The following ASS1 variants were observed in gnomAD, a reference collection of about 807,000 sequenced individuals.
ASS1 encodes the protein argininosuccinate synthase 1, also known as argininosuccinate synthase.
In ASS1, 58 loss-of-function variants were observed where a neutral mutation model predicts 60.5. The observed-to-expected ratio is 0.96, with a 90% CI of 0.78 to 1.19. The LOEUF is 1.19. Among genes scored for constraint, ASS1 ranks in the 50% most tolerant of loss-of-function variants. ASS1 has a pLI of 0.00. For synonymous variants in ASS1, 200 were observed against 206.9 expected, an observed-to-expected ratio of 0.97 and a Z score of 0.29; for missense variants, 454 against 547.3, an observed-to-expected ratio of 0.83 and a Z score of 1.70.
intron 1 of ASS1, 173 bp from the exon 2 acceptor site, chr9:130,452,050 GT>G: frequency 1.4e-6 from 1 of 700,250 alleles, no homozygotes. Flanking sequence ...CGAGGTCAGG[GT>G]TCCCGGGGGT....
chr9:130,452,067 G>A, intron 1 of ASS1, 157 bp from the exon 2 acceptor site: 1 of 716,162 alleles, frequency 1.4e-6, no homozygotes, highest in South Asian at 1.5e-5. Flanking sequence ...GGGGTGGCAG[G>A]CACTGAAGGT....
At position 130,489,246 on chromosome 9, in the gene ASS1, T is replaced by TTA. The variant is rs545601685; in HGVS notation, c.839-86_839-85insAT. ...GTCAGACGACTCATTATTATTATTA[T>TTA]TTTTTTTTTTGTCATTTGCTGACAG... On this transcript the variant is annotated intron_variant, in intron 11 of 14. Transcript: ENST00000352480. This position sits in a 1 kb window ranked among gnomAD's most constrained non-coding sequence, Gnocchi z 4.1. 4.1e-5 allele frequency: 53 copies of TTA among 1,277,294 alleles called. 1 individual carries two copies. The highest frequency in any genetic ancestry group is 5.3e-5 in the Non-Finnish European group (49 of 931,524). The allele number at this position is 1,277,294 out of a possible 1,614,324, so 79.1% of individuals were successfully genotyped here.
chr9:130,485,930 C>G (rs943783594), intron 11 of ASS1, among the ~76,000 whole-genome samples: 1 of 152,182 alleles, frequency 6.6e-6, no homozygotes, highest in Non-Finnish European at 1.5e-5. Context: ...ACTGCTGAAC[C>G]ATTCCCCTTT....
At chr9:130,455,454 T>G (rs1845427491) in intron 3 of ASS1, among the ~76,000 whole-genome samples, 1 of 152,168 alleles carries the variant, frequency 6.6e-6, no homozygotes, top group Non-Finnish European at 1.5e-5. Context: ...CATCCATTCA[T>G]CCATCCATCC....
intron 11 of ASS1, among the ~76,000 whole-genome samples, chr9:130,483,593 G>A (rs1480811558): frequency 6.6e-6 from 1 of 151,972 alleles, no homozygotes; most frequent in East Asian, 1.9e-4. Flanking sequence ...CCGGAGGGAA[G>A]CCGAGGGAGG....
rs971804615 is a variant in ASS1 at position 130,452,344 on chromosome 9, G to A, written c.105+11G>A. On this transcript the variant is annotated intron_variant, in intron 2 of 14. Coordinates refer to ENST00000352480, the MANE Select transcript of ASS1 (RefSeq NM_054012.4). ...GTCATTGCCTATCTGGTGAGGGAGC[G>A]ACCTGGGTGTCTGTCTTCCTGCGTG... The A allele has an allele frequency of 1.4e-5, 22 of 1,609,524 alleles. No homozygotes were observed. Among genetic ancestry groups the A allele is most frequent in the African/African-American group, 5.3e-5 (4 of 74,828 alleles).
chr9:130,466,821 A>C (rs1251076727), intron 6 of ASS1, 22 bp downstream of exon 6: 1 of 1,611,502 alleles, frequency 6.2e-7, no homozygotes, highest in Non-Finnish European at 8.5e-7. Context: ...TCTCCCCACC[A>C]CCCCCAACCT....
intron 3 of ASS1, 79 bp from the exon 4 acceptor site, chr9:130,458,322 G>GCCCCGGGGACC (rs1845495471): frequency 6.3e-7 from 1 of 1,578,110 alleles, no homozygotes; most frequent in Non-Finnish European, 8.7e-7. Context: ...GTCTCAGCTA[G>GCCCCGGGGACC]CTGAGGCCCC....
chr9:130,466,628 A>G lies in ASS1; in HGVS notation c.421-97A>G, dbSNP rs1845749587. ...CTCTGGGGACATGCTGGAGACCCCC[A>G]TGGGCCCCTCCCAGGAGAGGCCAGC... is the stretch of plus-strand genomic sequence containing the variant. On this transcript the variant is annotated intron_variant, in intron 5 of 14. Transcript: ENST00000352480. The G allele has an allele frequency of 1.6e-5, 19 of 1,194,462 alleles. No individual in the cohort carries two copies. The Middle Eastern group carries it at 2.5e-3, about 157-fold the overall frequency. The allele number at this position is 1,194,462 out of a possible 1,614,324, so 74.0% of individuals were successfully genotyped here. A position where few individuals can be genotyped will look rare whatever the true frequency, so the allele number is the denominator to read the frequency against.
intron 3 of ASS1, 118 bp from the exon 4 acceptor site, chr9:130,458,283 C>G (rs760654100): frequency 5.4e-6 from 6 of 1,120,910 alleles, no homozygotes; most frequent in Non-Finnish European, 8.1e-6. Flanking sequence ...AGAAGAAGCA[C>G]CAGGTACAGC....
intron 2 of ASS1, 56 bp from the exon 3 acceptor site, chr9:130,454,249 G>A (rs1483520035): frequency 1.9e-6 from 3 of 1,568,002 alleles, no homozygotes; most frequent in Admixed American, 3.5e-5. Flanking sequence ...TGCGGATGGT[G>A]TGAACTCAGG....
At chr9:130,448,291 C>A (rs1845240840) in intron 1 of ASS1, among the ~76,000 whole-genome samples, 1 of 152,080 alleles carries the variant, frequency 6.6e-6, no homozygotes, top group African/African-American at 2.4e-5. Flanking sequence ...CATACACTGG[C>A]CCCAACACCC....
In ASS1 at chr9:130,476,804, G is replaced by A; in HGVS notation, c.598-67G>A. 1 of 1,431,402 alleles carries A rather than the reference G, an allele frequency of 7.0e-7. No individual in the cohort carries two copies. The highest frequency in any genetic ancestry group is 1.1e-5 in the South Asian group (1 of 87,272). 88.7% of individuals were successfully genotyped at this position (1,431,402 alleles called of 1,614,324 possible). A position where few individuals can be genotyped will look rare whatever the true frequency, so the allele number is the denominator to read the frequency against. The stretch of plus-strand genomic sequence containing the variant: ...GAGGAGAGGGGTGCAGATCCCCGCG[G>A]GAGGTGGGCTGTAGGGTGTCCAGGG... On this transcript the variant is annotated intron_variant, in intron 8 of 14. Transcript: ENST00000352480. This position sits in a 1 kb window ranked among gnomAD's most constrained non-coding sequence, Gnocchi z 4.9.
chr9:130,446,531 T>G (rs1037220854), intron 1 of ASS1, among the ~76,000 whole-genome samples: 2 of 152,008 alleles, frequency 1.3e-5, no homozygotes, highest in Admixed American at 6.5e-5. Flanking sequence ...AGTGAATGAA[T>G]AGTGACTCCT....
chr9:130,494,938 A>C lies in ASS1; in HGVS notation c.1042A>C (p.Lys348Gln). The C allele has an allele frequency of 1.2e-6, 2 of 1,613,618 alleles. No individual in the cohort carries two copies. The highest frequency in any genetic ancestry group is 1.7e-6 in the Non-Finnish European group (2 of 1,179,938). The stretch of plus-strand genomic sequence containing the variant: ...CAAGTCCCAGGAGCGAGTGGAAGGG[A>C]AAGTGCAGGTGTCCGTCCTCAAGGG... ...IAKSQERVEG[K>Q]VQVSVLKGQV... is the part of the protein sequence containing the mutation. Residue 348 changes from lysine (K) to glutamine (Q), a missense_variant, in exon 13 of 15, where the codon AAA becomes CAA. By Grantham distance (53) the Lys-to-Gln change is moderately conservative (BLOSUM62 1). Transcript: ENST00000352480. The surrounding 1 kb of genome is among the most constrained non-coding windows in gnomAD (Gnocchi z 4.3).
intron 5 of ASS1, 33 bp from the exon 6 acceptor site, chr9:130,466,692 C>T (rs1845751086): frequency 6.2e-7 from 1 of 1,606,010 alleles, no homozygotes; most frequent in Non-Finnish European, 8.5e-7. Flanking sequence ...ACAGCTCGGC[C>T]CTCCCGGCTC....
At chr9:130,499,962 A>T (rs1672158144) in intron 14 of ASS1, among the ~76,000 whole-genome samples, 1 of 152,234 alleles carries the variant, frequency 6.6e-6, no homozygotes, top group African/African-American at 2.4e-5. Flanking sequence ...CTGTAGGTCT[A>T]GCTGGAAGCC....
Position 130,476,620 on chromosome 9 carries a change from G to A in ASS1, c.598-251G>A. The A allele has an allele frequency of 1.7e-6, 1 of 582,554 alleles. No homozygotes were observed. The highest frequency in any genetic ancestry group is 2.0e-5 in the South Asian group (1 of 49,722). 36.1% of individuals were successfully genotyped at this position (582,554 alleles called of 1,614,324 possible). A position where few individuals can be genotyped will look rare whatever the true frequency, so the allele number is the denominator to read the frequency against. ...CCAGCTATTCTACCTCCAGCTGTGG[G>A]GGCGTCGAAGAAAAAGATGAGATCA... is the stretch of plus-strand genomic sequence containing the variant. On this transcript the variant is annotated intron_variant, in intron 8 of 14. Coordinates refer to ENST00000352480, the MANE Select transcript of ASS1 (RefSeq NM_054012.4). This position sits in a 1 kb window ranked among gnomAD's most constrained non-coding sequence, Gnocchi z 4.9.
At chr9:130,474,594 T>G (rs1845970584) in intron 8 of ASS1, among the ~76,000 whole-genome samples, 1 of 152,126 alleles carries the variant, frequency 6.6e-6, no homozygotes, top group Non-Finnish European at 1.5e-5. Flanking sequence ...CACCCCAAGA[T>G]CCAGTCCAGT....
Sources: gnomAD v4.1 joint callset for allele counts (sites outside exome capture counted in the v4.1 genomes callset) on GRCh38, gnomAD v4.1.1 for gene constraint, Gnocchi (gnomAD v3.1) non-coding constraint, MANE v1.5 for transcripts, NCBI Gene and HGNC (gene_info 2026-07-23, HGNC 2026-07-21) for gene names.